The following SH3RF3 variants were observed in gnomAD, a reference collection of about 807,000 sequenced individuals.
SH3RF3 encodes the protein SH3 domain containing ring finger 3, also known as E3 ubiquitin-protein ligase SH3RF3.
SH3RF3 carries 29 observed loss-of-function variants against 66.3 expected under a neutral mutation model. The ratio of observed to expected loss-of-function variants is 0.44; its 90% confidence interval spans 0.33 to 0.60. The LOEUF is 0.60. Ranked by LOEUF, SH3RF3 falls within the 20% of genes least tolerant of loss-of-function variation. The probability of loss-of-function intolerance (pLI) is 0.04; values close to 1 mark genes in which losing one functional copy is unlikely to be tolerated. For missense variants in SH3RF3, 1,194 were observed against 1,190.9 expected, an observed-to-expected ratio of 1.00 and a Z score of -0.04; for synonymous variants, 583 against 532.0, an observed-to-expected ratio of 1.10 and a Z score of -1.32.
intron 8 of SH3RF3, among the ~76,000 whole-genome samples, chr2:109,469,079 T>A (rs1266838398): frequency 6.6e-6 from 1 of 152,070 alleles, no homozygotes; most frequent in Non-Finnish European, 1.5e-5. Flanking sequence ...GAACACAGGC[T>A]GTGCAGGGCC....
At chr2:109,254,838 G>T (rs1680181498) in intron 1 of SH3RF3, among the ~76,000 whole-genome samples, 1 of 152,142 alleles carries the variant, frequency 6.6e-6, no homozygotes, top group Non-Finnish European at 1.5e-5. Flanking sequence ...GCCTCGCCAG[G>T]GCAGTATCTG....
chr2:109,240,665 G>T (rs904979655), intron 1 of SH3RF3, among the ~76,000 whole-genome samples: 1 of 152,016 alleles, frequency 6.6e-6, no homozygotes, highest in African/African-American at 2.4e-5. Flanking sequence ...TATTTCACAC[G>T]AACCAGAGAG....
chr2:109,450,177 C>T (rs1185732983), intron 8 of SH3RF3, among the ~76,000 whole-genome samples: 1 of 152,044 alleles, frequency 6.6e-6, no homozygotes, highest in East Asian at 1.9e-4. Context: ...AAAACCCCAT[C>T]TCTACTAAAA....
chr2:109,129,413 A>G lies in SH3RF3; in HGVS notation c.-128A>G, dbSNP rs1413569117. On this transcript the variant is annotated 5_prime_UTR_variant, in exon 1 of 10. Coordinates refer to ENST00000309415, the MANE Select transcript of SH3RF3 (RefSeq NM_001099289.3). ...ACCGCCACAGCCCTAGCATCGGGCC[A>G]CCAGCCGGGGTGAAGAAAGTCACGG... 11 of 1,450,426 alleles carry G rather than the reference A, an allele frequency of 7.6e-6. No homozygotes were observed. The highest frequency in any genetic ancestry group is 4.1e-5 in the Admixed American group (2 of 48,214). 89.8% of individuals were successfully genotyped at this position (1,450,426 alleles called of 1,614,324 possible).
chr2:109,289,259 A>G (rs971660782), intron 1 of SH3RF3, among the ~76,000 whole-genome samples: 2 of 152,182 alleles, frequency 1.3e-5, no homozygotes, highest in Admixed American at 6.5e-5. Flanking sequence ...ATGCCACATT[A>G]TCACCCACTG....
intron 7 of SH3RF3, among the ~76,000 whole-genome samples, chr2:109,444,470 CAG>C (rs1396492501): frequency 7.2e-5 from 11 of 152,194 alleles, no homozygotes; most frequent in East Asian, 1.9e-4. Context: ...CTGTGAGAAT[CAG>C]GGGACCAGAG....
rs193296091 is a variant in SH3RF3 at position 109,212,159 on chromosome 2, T to C, written c.573+82046T>C. On this transcript the variant is annotated intron_variant, in intron 1 of 9. Coordinates refer to ENST00000309415, the MANE Select transcript of SH3RF3 (RefSeq NM_001099289.3). ...AGCCTCTGGGTGGCTGTGGTTTTGT[T>C]TGGCTTCTGGATGACTTGTCAGGGT... 4.8e-3 allele frequency among the ~76,000 whole-genome samples: 732 copies of C among 152,322 alleles called. 4 individuals carry two copies. The highest frequency in any genetic ancestry group is 7.0e-3 in the Non-Finnish European group (474 of 68,016).
intron 9 of SH3RF3, among the ~76,000 whole-genome samples, chr2:109,499,008 C>A (rs1393177686): frequency 6.6e-6 from 1 of 152,178 alleles, no homozygotes; most frequent in Non-Finnish European, 1.5e-5. Flanking sequence ...GGCGTTTAGA[C>A]TGTGGCCCCT....
intron 1 of SH3RF3, among the ~76,000 whole-genome samples, chr2:109,290,278 A>G (rs1441042862): frequency 6.6e-6 from 1 of 152,248 alleles, no homozygotes; most frequent in Non-Finnish European, 1.5e-5. Context: ...ATGAAGTGAG[A>G]ACTTCTCTTT....
At chr2:109,296,709 G>T (rs980272651) in intron 1 of SH3RF3, among the ~76,000 whole-genome samples, 5 of 152,146 alleles carry the variant, frequency 3.3e-5, no homozygotes, top group Admixed American at 2.6e-4. Flanking sequence ...CAGAGATTCT[G>T]CAGAGTCCCC....
intron 9 of SH3RF3, among the ~76,000 whole-genome samples, chr2:109,495,167 G>GA (rs1303181643): frequency 1.3e-5 from 2 of 152,234 alleles, no homozygotes; most frequent in Admixed American, 1.3e-4. Context: ...TATGTGCAGA[G>GA]GGAGCTGAAT....
chr2:109,245,334 A>G (rs1269634661), intron 1 of SH3RF3, among the ~76,000 whole-genome samples: 1 of 151,728 alleles, frequency 6.6e-6, no homozygotes, highest in Non-Finnish European at 1.5e-5. Context: ...TCTGTCCCCA[A>G]CTTGGGGACA....
Position 109,258,303 on chromosome 2 carries a change from C to T in SH3RF3, c.574-89371C>T, listed in dbSNP as rs147372704. On this transcript the variant is annotated intron_variant, in intron 1 of 9. Coordinates refer to ENST00000309415, the MANE Select transcript of SH3RF3 (RefSeq NM_001099289.3). ...GATCCTGATGCAGTGGCCGCTGTGA[C>T]AGCCAGTCAGGAGGTCTTGTCCCCA... is the stretch of plus-strand genomic sequence containing the variant. 1.1e-3 allele frequency among the ~76,000 whole-genome samples: 173 copies of T among 152,324 alleles called. 1 individual carries two copies. Among genetic ancestry groups the T allele is most frequent in the African/African-American group, 4.1e-3 (172 of 41,560 alleles).
intron 1 of SH3RF3, among the ~76,000 whole-genome samples, chr2:109,256,339 A>G (rs1272488170): frequency 6.6e-6 from 1 of 152,218 alleles, no homozygotes; most frequent in Admixed American, 6.5e-5. Context: ...CGAGCTTGGA[A>G]GGTGCTCTGG....
At chr2:109,370,248 T>TC in intron 2 of SH3RF3, among the ~76,000 whole-genome samples, 1 of 151,558 alleles carries the variant, frequency 6.6e-6, no homozygotes, top group African/African-American at 2.4e-5. Context: ...TCTTTTTCTT[T>TC]TTTTTTTTTA....
intron 2 of SH3RF3, among the ~76,000 whole-genome samples, chr2:109,355,444 T>G (rs1682929211): frequency 6.6e-6 from 1 of 152,196 alleles, no homozygotes; most frequent in South Asian, 2.1e-4. Flanking sequence ...GTAAATAAAG[T>G]TTTATTGGTA....
At chr2:109,470,993 G>A (rs1166645791) in intron 8 of SH3RF3, among the ~76,000 whole-genome samples, 1 of 152,084 alleles carries the variant, frequency 6.6e-6, no homozygotes, top group Non-Finnish European at 1.5e-5. Context: ...GCCGAGGAGG[G>A]CAGATCACTT....
intron 1 of SH3RF3, among the ~76,000 whole-genome samples, chr2:109,201,359 G>T (rs1013204365): frequency 6.6e-6 from 1 of 152,210 alleles, no homozygotes; most frequent in Non-Finnish European, 1.5e-5. Flanking sequence ...ACATGGCCTG[G>T]GCTTTGGGCC....
Position 109,461,620 on chromosome 2 carries a change from C to T in SH3RF3, c.2148+12131C>T, listed in dbSNP as rs1324716553. On this transcript the variant is annotated intron_variant, in intron 8 of 9. Transcript: ENST00000309415. ...TCCCTGTCTGTCCTAAAGACCTGCG[C>T]GGTGATCCACCTGCCAGAGGCCCCA... is the stretch of plus-strand genomic sequence containing the variant. 1.4e-4 allele frequency among the ~76,000 whole-genome samples: 7 copies of T among 48,458 alleles called. No homozygotes were observed. In the South Asian group the frequency reaches 3.9e-3, roughly 27 times the overall value. 31.8% of individuals were successfully genotyped at this position (48,458 alleles called of 152,430 possible). A position where few individuals can be genotyped will look rare whatever the true frequency, so the allele number is the denominator to read the frequency against.
Sources: allele counts gnomAD v4.1 joint callset (sites outside exome capture counted in the v4.1 genomes callset), GRCh38; gene constraint gnomAD v4.1.1; transcripts MANE v1.5; gene names NCBI Gene and HGNC (gene_info 2026-07-23, HGNC 2026-07-21).